Variants in AUTS2 observed in about 807,000 individuals in gnomAD.
AUTS2 encodes the protein activator of transcription and developmental regulator AUTS2, also known as autism susceptibility gene 2 protein.
In AUTS2, 17 loss-of-function variants were observed where a neutral mutation model predicts 112.4. The ratio of observed to expected loss-of-function variants is 0.15; its 90% CI spans 0.10 to 0.23. The LOEUF is 0.23. AUTS2 is among the 10% of genes least tolerant of loss of function. AUTS2 has a pLI of 1.00. For missense variants in AUTS2, 1,510 were observed against 1,701.6 expected (o/e 0.89, Z 1.98); for synonymous variants, 751 against 702.7 (o/e 1.07, Z -1.09).
At chr7:70,777,383 C>G (rs1032358740) in intron 14 of AUTS2, among the ~76,000 whole-genome samples, 1 of 151,842 alleles carries the variant, frequency 6.6e-6, no homozygotes, top group Non-Finnish European at 1.5e-5. Context: ...GGCTGGAGTA[C>G]AAGGGGACAA....
chr7:69,615,175 A>G (rs936016033), intron 1 of AUTS2, among the ~76,000 whole-genome samples: 1 of 152,144 alleles, frequency 6.6e-6, no homozygotes, highest in Non-Finnish European at 1.5e-5. Context: ...CTGGTGGTCT[A>G]TAATACCCCT....
chr7:70,454,951 G>T (rs894004132), intron 5 of AUTS2, among the ~76,000 whole-genome samples: 4 of 152,228 alleles, frequency 2.6e-5, no homozygotes, highest in Admixed American at 1.3e-4. Context: ...TCACTGGACA[G>T]TAGGGCCCAC....
chr7:70,688,209 T>G (rs1306094510), intron 5 of AUTS2, among the ~76,000 whole-genome samples: 3 of 152,146 alleles, frequency 2.0e-5, no homozygotes, highest in Admixed American at 6.5e-5. Context: ...TGGGACAATT[T>G]CCACCGTGTC....
At chr7:69,677,313 A>G (rs1225569269) in intron 1 of AUTS2, among the ~76,000 whole-genome samples, 1 of 152,176 alleles carries the variant, frequency 6.6e-6, no homozygotes, top group Non-Finnish European at 1.5e-5. Flanking sequence ...CCAAGGTACA[A>G]GTTTTCCAGG....
At chr7:70,609,380 G>A (rs1431041150) in intron 5 of AUTS2, among the ~76,000 whole-genome samples, 2 of 150,676 alleles carry the variant, frequency 1.3e-5, no homozygotes, top group Non-Finnish European at 2.9e-5. Context: ...TTGTCCCAGA[G>A]GACAGGATTG....
chr7:69,815,321 T>C (rs1476680556), intron 1 of AUTS2, among the ~76,000 whole-genome samples: 9 of 152,214 alleles, frequency 5.9e-5, no homozygotes, highest in African/African-American at 2.2e-4. Context: ...GATATAGATA[T>C]CTATATATCT....
intron 1 of AUTS2, among the ~76,000 whole-genome samples, chr7:69,804,905 C>G (rs1790233910): frequency 6.6e-6 from 1 of 152,372 alleles, no homozygotes; most frequent in African/African-American, 2.4e-5. Flanking sequence ...AGCCAGCAAT[C>G]TGTGTCTTAA....
chr7:70,489,929 A>G (rs1798169074), intron 5 of AUTS2, among the ~76,000 whole-genome samples: 2 of 152,226 alleles, frequency 1.3e-5, no homozygotes, highest in African/African-American at 4.8e-5. Flanking sequence ...TCAAAGAGGA[A>G]ATCACAAGAG....
intron 5 of AUTS2, among the ~76,000 whole-genome samples, chr7:70,579,739 T>C (rs1327879933): frequency 6.6e-6 from 1 of 152,206 alleles, no homozygotes; most frequent in African/African-American, 2.4e-5. Flanking sequence ...GCTCTCTCCA[T>C]TCAGGCTAAG....
At chr7:70,175,107 AAAT>A (rs1391085624) in intron 4 of AUTS2, among the ~76,000 whole-genome samples, 2 of 152,218 alleles carry the variant, frequency 1.3e-5, no homozygotes, top group Non-Finnish European at 2.9e-5. Context: ...ATATAGGAGG[AAAT>A]CAAAATACCA....
At chr7:70,759,122 A>C (rs958818460) in intron 6 of AUTS2, among the ~76,000 whole-genome samples, 8 of 152,324 alleles carry the variant, frequency 5.3e-5, no homozygotes, top group African/African-American at 1.7e-4. Flanking sequence ...TGATGTACTT[A>C]AATATTTTAA....
chr7:69,858,607 G>A lies in AUTS2; in HGVS notation c.310-40679G>A, dbSNP rs76135049. Among the ~76,000 whole-genome samples, 52 of 152,270 alleles carry A rather than the reference G, an allele frequency of 3.4e-4. 1 individual carries two copies. The East Asian group carries it at 8.9e-3, about 26-fold the overall frequency. Reference sequence around the variant, plus strand: ...GCTTTGGGCTGAGAATAGAATGGATGGAATTTACACCTTCTCTCTCTCTCT... The same window carrying A: ...GCTTTGGGCTGAGAATAGAATGGATAGAATTTACACCTTCTCTCTCTCTCT... On this transcript the variant is annotated intron_variant, in intron 1 of 18. Coordinates refer to ENST00000342771, the MANE Select transcript of AUTS2 (RefSeq NM_015570.4).
chr7:70,649,045 T>C (rs1294657093), intron 5 of AUTS2, among the ~76,000 whole-genome samples: 1 of 151,964 alleles, frequency 6.6e-6, no homozygotes, highest in Non-Finnish European at 1.5e-5. Flanking sequence ...TTGACCTAAG[T>C]CTCTGATTAT....
At chr7:70,257,561 G>A (rs537717399) in intron 4 of AUTS2, among the ~76,000 whole-genome samples, 4 of 151,572 alleles carry the variant, frequency 2.6e-5, no homozygotes, top group South Asian at 2.1e-4. Context: ...CAAGTGAGCC[G>A]ACCGCCTCGA....
chr7:69,794,882 A>G (rs1789772514), intron 1 of AUTS2, among the ~76,000 whole-genome samples: 1 of 152,052 alleles, frequency 6.6e-6, no homozygotes, highest in Non-Finnish European at 1.5e-5. Flanking sequence ...GAACCTTAAA[A>G]TAGCTCACAA....
At chr7:70,701,806 C>T (rs974564649) in intron 6 of AUTS2, among the ~76,000 whole-genome samples, 3 of 152,150 alleles carry the variant, frequency 2.0e-5, no homozygotes, top group African/African-American at 7.2e-5. Context: ...TAAATGTTTA[C>T]AGGATGTTCA....
At chr7:70,538,195 C>T (rs368893440) in intron 5 of AUTS2, among the ~76,000 whole-genome samples, 1 of 152,044 alleles carries the variant, frequency 6.6e-6, no homozygotes, top group South Asian at 2.1e-4. Flanking sequence ...CATGATTGCA[C>T]CACTGTACTT....
chr7:70,427,942 T>C (rs1043543532), intron 4 of AUTS2, among the ~76,000 whole-genome samples: 1 of 152,178 alleles, frequency 6.6e-6, no homozygotes, highest in Non-Finnish European at 1.5e-5. Context: ...CCTGAACAAT[T>C]GAAGATTGGT....
intron 4 of AUTS2, among the ~76,000 whole-genome samples, chr7:70,337,153 G>A (rs1441899478): frequency 1.3e-5 from 2 of 152,166 alleles, no homozygotes; most frequent in Non-Finnish European, 2.9e-5. Context: ...ACCGTTTGCT[G>A]CTAATATGGG....
Sources: gnomAD v4.1 joint callset for allele counts (sites outside exome capture counted in the v4.1 genomes callset) on GRCh38, gnomAD v4.1.1 for gene constraint, MANE v1.5 for transcripts, NCBI Gene and HGNC (gene_info 2026-07-23, HGNC 2026-07-21) for gene names.